DCDC2C: variants seen among roughly 807,000 people sequenced by gnomAD.
DCDC2C encodes the protein doublecortin domain containing 2C.
In DCDC2C, 44 loss-of-function variants were observed where a neutral mutation model predicts 45.0. That is an observed-to-expected ratio of 0.98 (90% CI 0.77 to 1.26). The LOEUF (loss-of-function observed/expected upper bound fraction) is 1.26, where lower values mean the gene tolerates loss of function less well. Ranked by LOEUF, DCDC2C falls within the 50% of genes most tolerant of loss-of-function variation. The pLI is 0.00. For missense variants in DCDC2C, 447 were observed against 468.9 expected (o/e 0.95, Z 0.43); for synonymous variants, 187 against 178.8 (o/e 1.05, Z -0.37).
At chr2:3,768,055 A>G (rs531867457) in intron 7 of DCDC2C, among the ~76,000 whole-genome samples, 175 bp downstream of exon 7, 2 of 151,546 alleles carry the variant, frequency 1.3e-5, no homozygotes, top group Admixed American at 6.6e-5. Context: ...GGCAGAGCAG[A>G]AAAAAAACAT....
chr2:3,767,909 C>A, intron 7 of DCDC2C, 29 bp downstream of exon 7: 1 of 1,428,526 alleles, frequency 7.0e-7, no homozygotes, highest in Non-Finnish European at 9.1e-7. Flanking sequence ...CTGCTGTAGG[C>A]AGTTCGAAAC....
chr2:3,721,755 T>G (rs1313926337), intron 2 of DCDC2C, among the ~76,000 whole-genome samples: 1 of 152,170 alleles, frequency 6.6e-6, no homozygotes, highest in Non-Finnish European at 1.5e-5. Context: ...GTCTTTCCTG[T>G]GCTGTTCTCG....
At chr2:3,783,526 C>T (rs911500593) in intron 9 of DCDC2C, among the ~76,000 whole-genome samples, 18 of 152,266 alleles carry the variant, frequency 1.2e-4, no homozygotes, top group Non-Finnish European at 2.1e-4. Flanking sequence ...TGTTTGTGTA[C>T]GTCTACTGTC....
intron 4 of DCDC2C, among the ~76,000 whole-genome samples, chr2:3,751,430 C>T (rs1572585423): frequency 6.6e-6 from 1 of 152,232 alleles, no homozygotes; most frequent in African/African-American, 2.4e-5. Flanking sequence ...GGTGCAGCTC[C>T]GCCATGCCTC....
chr2:3,776,397 T>C (rs1670337326), intron 8 of DCDC2C, among the ~76,000 whole-genome samples: 2 of 152,180 alleles, frequency 1.3e-5, no homozygotes, highest in African/African-American at 4.8e-5. Context: ...CTGTCCATAG[T>C]GGCAAAAAAC....
At chr2:3,771,722 G>C (rs1371399412) in intron 8 of DCDC2C, among the ~76,000 whole-genome samples, 1 of 152,214 alleles carries the variant, frequency 6.6e-6, no homozygotes, top group Non-Finnish European at 1.5e-5. Flanking sequence ...CCGGGTGGGT[G>C]GCTGCATCCG....
chr2:3,803,185 C>T (rs1671153312), intron 10 of DCDC2C, among the ~76,000 whole-genome samples: 3 of 152,344 alleles, frequency 2.0e-5, no homozygotes, highest in African/African-American at 2.4e-5. Flanking sequence ...GCCTTTCTTT[C>T]TCGTAATCTT....
intron 7 of DCDC2C, chr2:3,769,011 G>T: frequency 3.4e-6 from 1 of 296,386 alleles, no homozygotes; most frequent in Non-Finnish European, 6.5e-6. Flanking sequence ...CTTGTGGACT[G>T]ACTACCATGG....
chr2:3,766,866 C>G (rs762189697), intron 6 of DCDC2C, among the ~76,000 whole-genome samples: 3 of 152,192 alleles, frequency 2.0e-5, no homozygotes, highest in Non-Finnish European at 4.4e-5. Flanking sequence ...TACAGGCAGT[C>G]CTGACTTAGT....
chr2:3,726,232 G>A (rs924696952), intron 2 of DCDC2C, among the ~76,000 whole-genome samples: 3 of 152,104 alleles, frequency 2.0e-5, no homozygotes, highest in African/African-American at 7.2e-5. Context: ...CCAGGCCTGA[G>A]GTGCTGGGAT....
chr2:3,727,114 G>C (rs1317865525), intron 3 of DCDC2C, 35 bp downstream of exon 3: 1 of 1,489,256 alleles, frequency 6.7e-7, no homozygotes, highest in East Asian at 2.5e-5. Context: ...AAATCAAACT[G>C]TGCCATAACT....
At chr2:3,779,298 C>T (rs1235543398) in intron 9 of DCDC2C, among the ~76,000 whole-genome samples, 1 of 152,176 alleles carries the variant, frequency 6.6e-6, no homozygotes, top group African/African-American at 2.4e-5. Context: ...TGGCTGGTCC[C>T]GCCGGGGAGC....
chr2:3,809,921 T>C (rs1211063526), intron 10 of DCDC2C, among the ~76,000 whole-genome samples: 2 of 152,222 alleles, frequency 1.3e-5, no homozygotes, highest in Non-Finnish European at 2.9e-5. Context: ...AAGGACATGA[T>C]CTCATTCCTT....
chr2:3,762,433 T>C (rs188730806), intron 6 of DCDC2C, among the ~76,000 whole-genome samples: 1 of 152,222 alleles, frequency 6.6e-6, no homozygotes, highest in Non-Finnish European at 1.5e-5. Flanking sequence ...CTAGGGAATT[T>C]ATAAAGAAAA....
intron 10 of DCDC2C, among the ~76,000 whole-genome samples, chr2:3,809,718 A>G (rs1440966400): frequency 1.3e-5 from 2 of 151,906 alleles, no homozygotes; most frequent in African/African-American, 4.8e-5. Context: ...GCACCTATTG[A>G]CTTGTTCTCT....
chr2:3,822,730 C>T (rs186727762), intron 10 of DCDC2C, among the ~76,000 whole-genome samples: 1 of 152,106 alleles, frequency 6.6e-6, no homozygotes, highest in Admixed American at 6.5e-5. Context: ...CTGATTTGAG[C>T]TCTTTCTTCC....
At chr2:3,773,412 G>A (rs919410253) in intron 8 of DCDC2C, among the ~76,000 whole-genome samples, 88 of 152,178 alleles carry the variant, frequency 5.8e-4, no homozygotes, top group Non-Finnish European at 1.6e-4. Context: ...GAGGGAATCT[G>A]TAGATGCGCG....
In DCDC2C at chr2:3,727,011, A is replaced by G. The variant is rs1668708367; in HGVS notation, c.348A>G (p.Pro116=). ...AKIRKLKEIK[P]VVHCDINVPS... The stretch of plus-strand genomic sequence containing the variant: ...GTTTTTTCCTTTTTCAGATCAAACC[A>G]GTGGTGCATTGTGATATAAATGTGC... Residue 116 remains proline, a synonymous_variant, in exon 3 of 11, where the codon CCA becomes CCG. Transcript: ENST00000399143. 1.9e-6 allele frequency: 3 copies of G among 1,550,494 alleles called. No homozygotes were observed. Among genetic ancestry groups the G allele is most frequent in the African/African-American group, 1.4e-5 (1 of 73,162 alleles).
In DCDC2C at chr2:3,847,306, G is replaced by A; in HGVS notation, c.*123G>A. The A allele has an allele frequency of 1.6e-6, 1 of 611,532 alleles. No homozygotes were observed. Among genetic ancestry groups the A allele is most frequent in the Non-Finnish European group, 2.4e-6 (1 of 422,030 alleles). 37.9% of individuals were successfully genotyped at this position (611,532 alleles called of 1,614,324 possible). The stretch of plus-strand genomic sequence containing the variant: ...GGGTGAAACTAAAGCCCCACACAGT[G>A]GTGTCTTCTCGAAAGCCAAAGACGA... On this transcript the variant is annotated 3_prime_UTR_variant, in exon 11 of 11. Transcript: ENST00000399143.
Sources: gnomAD v4.1 joint callset for allele counts (sites outside exome capture counted in the v4.1 genomes callset) on GRCh38, gnomAD v4.1.1 for gene constraint, MANE v1.5 for transcripts, NCBI Gene and HGNC (gene_info 2026-07-23, HGNC 2026-07-21) for gene names.